The following METTL21A variants were observed in gnomAD, a reference collection of about 807,000 sequenced individuals.
The protein encoded by METTL21A is methyltransferase 21A, HSPA lysine.
METTL21A carries 22 observed loss-of-function variants against 20.9 expected under a neutral mutation model. The observed-to-expected ratio is 1.05, with a 90% CI of 0.75 to 1.50. METTL21A has a LOEUF of 1.50. Ranked by LOEUF, METTL21A falls within the 40% of genes most tolerant of loss-of-function variation. The pLI, the probability that METTL21A is intolerant of heterozygous loss-of-function variation, is 0.00. For synonymous variants in METTL21A, 93 were observed against 102.0 expected, an observed-to-expected ratio of 0.91 and a Z score of 0.53; for missense variants, 271 against 266.8, an observed-to-expected ratio of 1.02 and a Z score of -0.11.
chr2:207,581,579 C>G (rs1474060805), downstream of METTL21A: 1 of 268,064 alleles, frequency 3.7e-6, no homozygotes, highest in Non-Finnish European at 7.0e-6. Flanking sequence ...TTACTCAAAC[C>G]AGTACAAAGG....
rs544825319 is a variant in METTL21A, at chr2:207,615,461, G to T, written c.260-2018C>A. 9.9e-5 allele frequency among the ~76,000 whole-genome samples: 15 copies of T among 152,178 alleles called. No homozygotes were observed. The South Asian group carries it at 3.1e-3, about 32-fold the overall frequency. ...GCCTGTAATCCCAGCACTTTGGGAG[G>T]CCGAGGCAGGTGGATCATAAGGTCA... On this transcript the variant is annotated intron_variant, in intron 3 of 3. Coordinates refer to ENST00000406927, the Ensembl canonical transcript of METTL21A.
exon 4 of METTL21A, chr2:207,582,118 T>C (rs748206992): frequency 5.7e-6 from 4 of 702,852 alleles, no homozygotes; most frequent in South Asian, 4.4e-5. Context: ...TTTTTCTCTT[T>C]GTCCAGCCCA....
exon 4 of METTL21A, chr2:207,613,096 C>A (rs1203214797): frequency 2.5e-6 from 4 of 1,596,660 alleles, no homozygotes; most frequent in Non-Finnish European, 3.4e-6. Flanking sequence ...ATATGTACAT[C>A]TTTTTCAGGA....
intron 3 of METTL21A, among the ~76,000 whole-genome samples, chr2:207,596,167 C>T (rs998054398): frequency 6.6e-6 from 1 of 152,180 alleles, no homozygotes; most frequent in Non-Finnish European, 1.5e-5. Flanking sequence ...TGCGGCCCAA[C>T]CTCACTCTTT....
intron 3 of METTL21A, among the ~76,000 whole-genome samples, chr2:207,615,228 T>C (rs766564248): frequency 9.9e-5 from 15 of 152,096 alleles, no homozygotes; most frequent in Admixed American, 9.8e-4. Flanking sequence ...TCCAAGCACT[T>C]TGGGAGGTCG....
chr2:207,622,809 T>C (rs2090654137), intron 2 of METTL21A, among the ~76,000 whole-genome samples: 1 of 152,220 alleles, frequency 6.6e-6, no homozygotes, highest in South Asian at 2.1e-4. Flanking sequence ...ACATAACTTG[T>C]TACTATAATT....
chr2:207,597,524 A>G, intron 3 of METTL21A: 1 of 216,780 alleles, frequency 4.6e-6, no homozygotes, highest in Non-Finnish European at 9.3e-6. Flanking sequence ...TGCCAAATTG[A>G]CATGTTGTCA....
At chr2:207,624,088 C>T (rs1373517351) in intron 2 of METTL21A, 141 bp downstream of exon 2, 9 of 1,004,498 alleles carry the variant, frequency 9.0e-6, no homozygotes, top group South Asian at 2.0e-5. Flanking sequence ...TTTTTAAAAC[C>T]GCACTGAATT....
chr2:207,596,910 G>T lies in METTL21A; in HGVS notation c.260-14750C>A. The T allele has an allele frequency of 2.5e-6, 4 of 1,603,402 alleles. No homozygotes were observed. The South Asian group carries it at 3.4e-5, about 14-fold the overall frequency. The stretch of plus-strand genomic sequence containing the variant: ...TAATTTTTCCCGTCCTCTTTTGCTT[G>T]TAGGGAAGCAGCTCGAGAGTGTCGT... On this transcript the variant is annotated intron_variant, in intron 3 of 3. Coordinates refer to the METTL21A transcript ENST00000425132.
chr2:207,606,119 C>A (rs898790248), downstream of METTL21A, among the ~76,000 whole-genome samples: 22 of 152,152 alleles, frequency 1.4e-4, no homozygotes, highest in African/African-American at 5.3e-4. Context: ...AAATTTTTAA[C>A]CCCTCTGGTT....
chr2:207,624,818 T>C (rs1192699918), intron 1 of METTL21A: 1 of 152,354 alleles, frequency 6.6e-6, no homozygotes, highest in Non-Finnish European at 1.5e-5. Flanking sequence ...GCCCGGGTTC[T>C]TTCGCTACGG....
intron 1 of METTL21A, 124 bp from the exon 2 acceptor site, chr2:207,624,528 A>G (rs1242811775): frequency 1.5e-5 from 13 of 863,482 alleles, no homozygotes; most frequent in Non-Finnish European, 2.0e-5. Context: ...AGGTGGAGGA[A>G]GCCTTTGTCC....
chr2:207,599,883 T>C (rs748223535), intron 3 of METTL21A: 3 of 195,754 alleles, frequency 1.5e-5, no homozygotes, highest in African/African-American at 6.9e-5. Context: ...TAGGAATTTG[T>C]ACATATGCTA....
chr2:207,592,923 G>GAAAAAAAAGAA (rs2085357808), intron 3 of METTL21A, among the ~76,000 whole-genome samples: 2 of 11,704 alleles, frequency 1.7e-4, no homozygotes, highest in Admixed American at 9.6e-4. Flanking sequence ...AAAAAGAAAA[G>GAAAAAAAAGAA]AAAATTCTCA....
At chr2:207,613,979 A>G (rs2089341585) in intron 3 of METTL21A, among the ~76,000 whole-genome samples, 5 of 152,246 alleles carry the variant, frequency 3.3e-5, no homozygotes, top group African/African-American at 1.2e-4. Flanking sequence ...CTCAAAAAAA[A>G]GTAGAATTAA....
At chr2:207,602,874 G>T (rs2087328253) in intron 3 of METTL21A, 1 of 217,740 alleles carries the variant, frequency 4.6e-6, no homozygotes, top group Admixed American at 5.8e-5. Flanking sequence ...TTGTCCACAT[G>T]TCAGTTGTAA....
At chr2:207,595,992 A>G (rs1447081977) in intron 3 of METTL21A, among the ~76,000 whole-genome samples, 1 of 152,080 alleles carries the variant, frequency 6.6e-6, no homozygotes, top group Non-Finnish European at 1.5e-5. Context: ...ATATAGTCCT[A>G]TTTGTCTATT....
chr2:207,588,022 A>C (rs886642837), intron 3 of METTL21A, among the ~76,000 whole-genome samples: 38 of 152,246 alleles, frequency 2.5e-4, no homozygotes, highest in African/African-American at 8.9e-4. Context: ...ATCATTACAT[A>C]CTGTATACAC....
At chr2:207,618,167 C>T (rs1449439907) in intron 3 of METTL21A, among the ~76,000 whole-genome samples, 1 of 152,150 alleles carries the variant, frequency 6.6e-6, no homozygotes, top group Non-Finnish European at 1.5e-5. Context: ...GGCATCAAAT[C>T]ACATGGGAAA....
Sources: allele counts gnomAD v4.1 joint callset (sites outside exome capture counted in the v4.1 genomes callset), GRCh38; gene constraint gnomAD v4.1.1; transcripts MANE v1.5; gene names NCBI Gene and HGNC (gene_info 2026-07-23, HGNC 2026-07-21).